UBE2E2: variants seen among roughly 807,000 people sequenced by gnomAD.
UBE2E2 encodes ubiquitin conjugating enzyme E2 E2, also known as ubiquitin-conjugating enzyme E2 E2.
In UBE2E2, 6 loss-of-function variants were observed where a neutral mutation model predicts 24.7. That is an observed-to-expected ratio of 0.24 (90% CI 0.13 to 0.48). The LOEUF is 0.48. UBE2E2 is among the 20% of genes least tolerant of loss of function. The pLI is 0.99. For missense variants in UBE2E2, 169 were observed against 245.0 expected (o/e 0.69, Z 2.07); for synonymous variants, 104 against 83.6 (o/e 1.24, Z -1.33).
At chr3:23,308,224 A>G (rs1356995806) in intron 3 of UBE2E2, among the ~76,000 whole-genome samples, 1 of 152,218 alleles carries the variant, frequency 6.6e-6, no homozygotes, top group Non-Finnish European at 1.5e-5. Flanking sequence ...ATTAAGTGAG[A>G]TGAAATATGT....
intron 5 of UBE2E2, among the ~76,000 whole-genome samples, chr3:23,580,217 G>A (rs1464110383): frequency 2.6e-5 from 4 of 152,224 alleles, no homozygotes; most frequent in African/African-American, 9.6e-5. Flanking sequence ...TTTGAAAGAA[G>A]TTCTGTAAGT....
chr3:23,502,355 TA>T (rs1237481168), intron 4 of UBE2E2, among the ~76,000 whole-genome samples: 1 of 152,154 alleles, frequency 6.6e-6, no homozygotes, highest in East Asian at 1.9e-4. Context: ...CAGATGCTTA[TA>T]AATACATCTG....
In UBE2E2 at chr3:23,406,923, C is replaced by T. The variant is rs190278076; in HGVS notation, c.228-92685C>T. On this transcript the variant is annotated intron_variant, in intron 3 of 5. Transcript: ENST00000396703. ...AATTCACTTAGCTCTCTTGGCACAG[C>T]TTCTTTATGAAGTCAGTGTCCCCCA... Among the ~76,000 whole-genome samples, 4 of 152,276 alleles carry T rather than the reference C, an allele frequency of 2.6e-5. No individual in the cohort carries two copies. In the East Asian group the frequency reaches 7.8e-4, roughly 30 times the overall value.
chr3:23,292,489 C>T (rs1001646700), intron 3 of UBE2E2, among the ~76,000 whole-genome samples: 1 of 152,056 alleles, frequency 6.6e-6, no homozygotes, highest in Non-Finnish European at 1.5e-5. Context: ...ACATAGGGCC[C>T]AAGGCTTGCT....
At chr3:23,483,889 A>G (rs1396132386) in intron 3 of UBE2E2, among the ~76,000 whole-genome samples, 1 of 152,166 alleles carries the variant, frequency 6.6e-6, no homozygotes, top group Non-Finnish European at 1.5e-5. Flanking sequence ...TTCAAAGAGT[A>G]TTTAAAGAAA....
At chr3:23,467,727 C>A (rs917828702) in intron 3 of UBE2E2, among the ~76,000 whole-genome samples, 1 of 152,096 alleles carries the variant, frequency 6.6e-6, no homozygotes, top group Non-Finnish European at 1.5e-5. Flanking sequence ...TCTCACACTG[C>A]TATAAAGAAC....
intron 3 of UBE2E2, among the ~76,000 whole-genome samples, chr3:23,398,681 AG>A (rs1368933496): frequency 5.9e-5 from 9 of 152,206 alleles, no homozygotes; most frequent in Non-Finnish European, 1.2e-4. Context: ...TGTTACCAGT[AG>A]TGTAAGTATT....
At chr3:23,492,911 AT>A (rs1163770040) in intron 3 of UBE2E2, among the ~76,000 whole-genome samples, 2 of 152,090 alleles carry the variant, frequency 1.3e-5, no homozygotes, top group Non-Finnish European at 2.9e-5. Flanking sequence ...ATTTTAATAC[AT>A]TTTTAGCCCA....
chr3:23,230,807 A>AG lies in UBE2E2; in HGVS notation c.227+13495_227+13496insG, dbSNP rs1232262420. 6.6e-5 allele frequency among the ~76,000 whole-genome samples: 10 copies of AG among 152,118 alleles called. No homozygotes were observed. In the East Asian group the frequency reaches 1.9e-3, roughly 29 times the overall value. ...TTCTCAAAAAGAAAAAAAAAAAAAAAAAGAGTTGGATTTATTTTTCCTGGA... is the reference window on the plus strand; with the variant it reads ...TTCTCAAAAAGAAAAAAAAAAAAAAAGAAGAGTTGGATTTATTTTTCCTGGA... On this transcript the variant is annotated intron_variant, in intron 3 of 5. Coordinates refer to ENST00000396703, the MANE Select transcript of UBE2E2 (RefSeq NM_152653.4).
intron 3 of UBE2E2, among the ~76,000 whole-genome samples, chr3:23,301,209 C>A (rs1413786865): frequency 6.6e-6 from 1 of 152,062 alleles, no homozygotes; most frequent in East Asian, 1.9e-4. Flanking sequence ...AAGCTTTTTA[C>A]TTCTTTGCTA....
At chr3:23,448,060 C>T (rs1265845774) in intron 3 of UBE2E2, among the ~76,000 whole-genome samples, 1 of 152,106 alleles carries the variant, frequency 6.6e-6, no homozygotes, top group Non-Finnish European at 1.5e-5. Context: ...AAAATTATCT[C>T]TTTAATTAAA....
chr3:23,343,539 A>G (rs1695462497), intron 3 of UBE2E2, among the ~76,000 whole-genome samples: 1 of 46,682 alleles, frequency 2.1e-5, no homozygotes, highest in Non-Finnish European at 4.5e-5. Context: ...TGGCGCCACT[A>G]CACTCTAGCC....
intron 4 of UBE2E2, among the ~76,000 whole-genome samples, chr3:23,517,818 G>T (rs1054365128): frequency 2.6e-5 from 4 of 152,094 alleles, no homozygotes; most frequent in African/African-American, 9.7e-5. Context: ...TACCACAGCA[G>T]ACAATTTTCT....
At chr3:23,497,737 T>C (rs979256622) in intron 3 of UBE2E2, among the ~76,000 whole-genome samples, 1 of 152,044 alleles carries the variant, frequency 6.6e-6, no homozygotes, top group African/African-American at 2.4e-5. Context: ...TGTCAGCGAG[T>C]TTTTTCAAAT....
In UBE2E2 at chr3:23,571,280, C is replaced by CTTTCTTTTTTTTTTTTTTTTTTTTTTT. The variant is rs1696218039; in HGVS notation, c.509-18451_509-18450insCTTTTTTTTTTTTTTTTTTTTTTTTTT. Among the ~76,000 whole-genome samples the CTTTCTTTTTTTTTTTTTTTTTTTTTTT allele has an allele frequency of 4.0e-4, 12 of 29,882 alleles. 1 individual carries two copies. The highest frequency in any genetic ancestry group is 1.4e-3 in the Admixed American group (2 of 1,462). 19.6% of individuals were successfully genotyped at this position (29,882 alleles called of 152,430 possible). ...AGTCCCCTCACCTGTGTGCTCCTTT[C>CTTTCTTTTTTTTTTTTTTTTTTTTTTT]TTTTTTTTTTTTTTTTTTTTTTTTT... is the stretch of plus-strand genomic sequence containing the variant. On this transcript the variant is annotated intron_variant, in intron 5 of 5. Transcript: ENST00000396703.
At chr3:23,480,299 C>T (rs1346332215) in intron 3 of UBE2E2, among the ~76,000 whole-genome samples, 1 of 152,240 alleles carries the variant, frequency 6.6e-6, no homozygotes, top group East Asian at 1.9e-4. Context: ...AACTTTGCTC[C>T]ACCTCAGAGT....
chr3:23,434,330 C>G (rs993433267), intron 3 of UBE2E2, among the ~76,000 whole-genome samples: 1 of 152,106 alleles, frequency 6.6e-6, no homozygotes, highest in Non-Finnish European at 1.5e-5. Context: ...TGTGATTTAT[C>G]TCTAATTTTA....
intron 3 of UBE2E2, among the ~76,000 whole-genome samples, chr3:23,325,758 G>A (rs776160573): frequency 6.6e-6 from 1 of 152,196 alleles, no homozygotes; most frequent in Non-Finnish European, 1.5e-5. Context: ...TAACCCCTCC[G>A]TATCACTGAC....
At chr3:23,303,566 A>C (rs1699159726) in intron 3 of UBE2E2, among the ~76,000 whole-genome samples, 2 of 152,186 alleles carry the variant, frequency 1.3e-5, no homozygotes, top group South Asian at 4.1e-4. Context: ...GTCATATGAT[A>C]ATGTTTGAAT....
Sources: allele counts gnomAD v4.1 joint callset (sites outside exome capture counted in the v4.1 genomes callset), GRCh38; gene constraint gnomAD v4.1.1; transcripts MANE v1.5; gene names NCBI Gene and HGNC (gene_info 2026-07-23, HGNC 2026-07-21).